The following KAZN variants were observed in gnomAD, a reference collection of about 807,000 sequenced individuals.
KAZN encodes the protein kazrin.
KAZN carries 40 observed loss-of-function variants against 87.4 expected under a neutral mutation model. The observed-to-expected ratio is 0.46, with a 90% CI of 0.36 to 0.60. KAZN has a LOEUF of 0.60. KAZN is among the 20% of genes least tolerant of loss of function. The pLI is 0.00. For synonymous variants in KAZN, 466 were observed against 458.3 expected (o/e 1.02, Z -0.22); for missense variants, 898 against 1,073.9 (o/e 0.84, Z 2.29).
intron 2 of KAZN, among the ~76,000 whole-genome samples, chr1:14,366,485 G>C (rs1429914369): frequency 6.6e-6 from 1 of 152,238 alleles, no homozygotes; most frequent in Non-Finnish European, 1.5e-5. Flanking sequence ...TCACTGGCGG[G>C]AACTGGAGGG....
intron 1 of KAZN, among the ~76,000 whole-genome samples, chr1:14,852,834 T>C (rs1165723424): frequency 2.0e-5 from 3 of 152,234 alleles, no homozygotes; most frequent in East Asian, 3.9e-4. Flanking sequence ...GTGTGGTCCC[T>C]GTACCAGCAA....
rs755613857 is a variant in KAZN at position 15,002,595 on chromosome 1, G to A, written c.419-32154G>A. Among the ~76,000 whole-genome samples the A allele has an allele frequency of 1.1e-4, 16 of 152,238 alleles. No homozygotes were observed. In the East Asian group the frequency reaches 1.4e-3, roughly 13 times the overall value. On this transcript the variant is annotated intron_variant, in intron 2 of 14. Coordinates refer to ENST00000376030, the MANE Select transcript of KAZN (RefSeq NM_201628.3). Reference sequence around the variant, plus strand: ...AGTTTCCTCATTCAGAAAAATCAGCGTCATCGCCATCATCATTGTCATCAT... The same window carrying A: ...AGTTTCCTCATTCAGAAAAATCAGCATCATCGCCATCATCATTGTCATCAT...
At chr1:14,721,255 T>C (rs1164179702) in intron 1 of KAZN, among the ~76,000 whole-genome samples, 1 of 152,170 alleles carries the variant, frequency 6.6e-6, no homozygotes, top group Non-Finnish European at 1.5e-5. Flanking sequence ...GCTATTCTCG[T>C]GCTTGTGAGT....
At chr1:14,754,891 C>G (rs967259603) in intron 1 of KAZN, among the ~76,000 whole-genome samples, 1 of 151,938 alleles carries the variant, frequency 6.6e-6, no homozygotes, top group Non-Finnish European at 1.5e-5. Context: ...GCCTTTCCCC[C>G]ACTTACAAAA....
intron 2 of KAZN, among the ~76,000 whole-genome samples, chr1:14,188,403 T>C (rs1646356301): frequency 6.6e-6 from 1 of 152,118 alleles, no homozygotes; most frequent in South Asian, 2.1e-4. Context: ...AATATAACAA[T>C]TCCAGCTGGT....
intron 8 of KAZN, among the ~76,000 whole-genome samples, chr1:15,080,192 T>C (rs1419469523): frequency 6.6e-6 from 1 of 152,204 alleles, no homozygotes; most frequent in Non-Finnish European, 1.5e-5. Flanking sequence ...TCTAGGCCTT[T>C]GCAAGACGGT....
chr1:14,858,203 C>CTTTTTTTTTT lies in KAZN; in HGVS notation c.227-102476_227-102475insTTTTTTTTTT, dbSNP rs1388659468. ...ACATTTCTTTCTTTTTTTCTTTTTT[C>CTTTTTTTTTT]TTTTTCTTTTCTTTTTTTTTTTTTT... is the stretch of plus-strand genomic sequence containing the variant. On this transcript the variant is annotated intron_variant, in intron 1 of 14. Transcript: ENST00000376030. 7.4e-4 allele frequency among the ~76,000 whole-genome samples: 70 copies of CTTTTTTTTTT among 95,074 alleles called. 1 individual carries two copies. Among genetic ancestry groups the CTTTTTTTTTT allele is most frequent in the African/African-American group, 2.9e-3 (55 of 18,894 alleles). The allele number at this position is 95,074 out of a possible 152,430, so 62.4% of individuals were successfully genotyped here. A position where few individuals can be genotyped will look rare whatever the true frequency, so the allele number is the denominator to read the frequency against.
intron 2 of KAZN, among the ~76,000 whole-genome samples, chr1:14,244,805 G>A (rs1467910140): frequency 6.6e-6 from 1 of 152,082 alleles, no homozygotes; most frequent in Non-Finnish European, 1.5e-5. Context: ...CAGGTGGGTA[G>A]GGGGTGTTGA....
intron 1 of KAZN, among the ~76,000 whole-genome samples, chr1:14,004,618 C>T (rs1034345970): frequency 7.2e-5 from 11 of 152,164 alleles, no homozygotes; most frequent in Non-Finnish European, 1.5e-4. Context: ...TGTTCTGTTT[C>T]TTGATCCAGG....
At chr1:14,785,330 C>T (rs754342090) in intron 1 of KAZN, among the ~76,000 whole-genome samples, 3 of 152,068 alleles carry the variant, frequency 2.0e-5, no homozygotes, top group Non-Finnish European at 4.4e-5. Context: ...TCAGTTCAGG[C>T]TTTTGAGAGA....
intron 2 of KAZN, chr1:14,180,601 A>G (rs1646176809): frequency 4.5e-6 from 7 of 1,543,462 alleles, no homozygotes; most frequent in Non-Finnish European, 6.1e-6. Context: ...AGGTACAAAG[A>G]TCAATACAGA....
At chr1:14,759,656 G>A (rs1644678728) in intron 1 of KAZN, among the ~76,000 whole-genome samples, 1 of 152,124 alleles carries the variant, frequency 6.6e-6, no homozygotes, top group Non-Finnish European at 1.5e-5. Flanking sequence ...AATATTTCAT[G>A]ACCACTGGCA....
chr1:13,994,007 G>A (rs6681501), intron 1 of KAZN, among the ~76,000 whole-genome samples: 1 of 152,138 alleles, frequency 6.6e-6, no homozygotes, highest in African/African-American at 2.4e-5. Context: ...CATCTGGAAT[G>A]AAGTCTGAAT....
At chr1:14,254,674 C>T (rs1650342168) in intron 2 of KAZN, among the ~76,000 whole-genome samples, 1 of 151,888 alleles carries the variant, frequency 6.6e-6, no homozygotes, top group African/African-American at 2.4e-5. Flanking sequence ...GTCATTCTTG[C>T]ATTGCTATAA....
At chr1:14,176,264 ATCTC>A (rs1646072680) in intron 1 of KAZN, among the ~76,000 whole-genome samples, 1 of 152,090 alleles carries the variant, frequency 6.6e-6, no homozygotes, top group Non-Finnish European at 1.5e-5. Flanking sequence ...TTGTCCATGA[ATCTC>A]TCTCTGGCCG....
At chr1:14,894,157 G>A (rs186774728) in intron 1 of KAZN, among the ~76,000 whole-genome samples, 1 of 151,888 alleles carries the variant, frequency 6.6e-6, no homozygotes, top group Non-Finnish European at 1.5e-5. Flanking sequence ...CATCTCCCCT[G>A]CCCAGCTCTG....
In KAZN at chr1:14,502,866, A is replaced by G. The variant is rs1670335600; in HGVS notation, c.250-96117A>G. On this transcript the variant is annotated intron_variant, in intron 2 of 16. Transcript: ENST00000636203. The stretch of plus-strand genomic sequence containing the variant: ...TAACTTTATGATCCCTATTTTATGA[A>G]CACCCTTCAGAGAGAGTTGCTCAAT... Among the ~76,000 whole-genome samples, 3 of 152,276 alleles carry G rather than the reference A, an allele frequency of 2.0e-5. No homozygotes were observed. The South Asian group carries it at 6.2e-4, about 32-fold the overall frequency.
At chr1:15,050,933 C>T (rs1295503478) in intron 4 of KAZN, among the ~76,000 whole-genome samples, 2 of 152,224 alleles carry the variant, frequency 1.3e-5, no homozygotes, top group African/African-American at 4.8e-5. Flanking sequence ...TGCTCCCACC[C>T]GTACCCCTGA....
chr1:14,887,528 T>C (rs143982220), intron 1 of KAZN, among the ~76,000 whole-genome samples: 4 of 152,306 alleles, frequency 2.6e-5, no homozygotes, highest in African/African-American at 9.6e-5. Flanking sequence ...CTACGCAGGG[T>C]TATCAGGAGT....
Sources: allele counts gnomAD v4.1 joint callset (sites outside exome capture counted in the v4.1 genomes callset), GRCh38; gene constraint gnomAD v4.1.1; transcripts MANE v1.5; gene names NCBI Gene and HGNC (gene_info 2026-07-23, HGNC 2026-07-21).